HNF4A: variants seen among roughly 807,000 people sequenced by gnomAD.
HNF4A encodes hepatocyte nuclear factor 4-alpha.
In HNF4A, 15 loss-of-function variants were observed where a neutral mutation model predicts 52.4. That is an observed-to-expected ratio of 0.29 (90% CI 0.19 to 0.44). The LOEUF is 0.44. HNF4A is among the 20% of genes least tolerant of loss of function. The probability of loss-of-function intolerance (pLI) is 1.00; values close to 1 mark genes in which losing one functional copy is unlikely to be tolerated. For missense variants in HNF4A, 479 were observed against 647.2 expected, an observed-to-expected ratio of 0.74 and a Z score of 2.82; for synonymous variants, 280 against 264.4, an observed-to-expected ratio of 1.06 and a Z score of -0.57.
chr20:44,369,808 A>G (rs1568691908), intron 1 of HNF4A, among the ~76,000 whole-genome samples: 1 of 151,014 alleles, frequency 6.6e-6, no homozygotes, highest in Non-Finnish European at 1.5e-5. Flanking sequence ...CAATTTTTGT[A>G]TTTTTAATAG....
At chr20:44,404,502 ATGTT>A (rs113282843) in intron 1 of HNF4A, among the ~76,000 whole-genome samples, 53 of 150,906 alleles carry the variant, frequency 3.5e-4, no homozygotes, top group African/African-American at 1.2e-3. Flanking sequence ...GTATGTGTGT[ATGTT>A]TGTGCATGTG....
chr20:44,426,841 AAG>A (rs1366803984), intron 8 of HNF4A, among the ~76,000 whole-genome samples: 2 of 152,192 alleles, frequency 1.3e-5, no homozygotes, highest in East Asian at 3.9e-4. Flanking sequence ...TGATAGTGAA[AAG>A]AGAGTGTCAG....
At position 44,401,357 on chromosome 20, in the gene HNF4A, C is replaced by T. The variant is rs765514916; in HGVS notation, c.-16C>T. On this transcript the variant is annotated 5_prime_UTR_variant, in exon 1 of 10. Coordinates refer to ENST00000316099, the MANE Select transcript of HNF4A (RefSeq NM_000457.6). ...CCCAGGGTAGGGCAGGTGGCCGCGG[C>T]GTGGAGGCAGGGAGAATGCGACTCT... The T allele has an allele frequency of 2.9e-5, 46 of 1,613,768 alleles. No homozygotes were observed. The highest frequency in any genetic ancestry group is 8.3e-5 in the Admixed American group (5 of 60,000).
intron 2 of HNF4A, 67 bp from the exon 3 acceptor site, chr20:44,407,314 G>A (rs1485765044): frequency 8.5e-7 from 1 of 1,176,912 alleles, no homozygotes; most frequent in Admixed American, 1.9e-5. Flanking sequence ...GATAGCCAGG[G>A]CCCTAGTTCT....
chr20:44,393,247 TAAAC>T (rs1021522334), intron 1 of HNF4A, among the ~76,000 whole-genome samples: 5 of 152,168 alleles, frequency 3.3e-5, no homozygotes, highest in Non-Finnish European at 7.3e-5. Context: ...GGGATGAACA[TAAAC>T]AGGAGGACAG....
chr20:44,424,868 G>T (rs1439757305), intron 8 of HNF4A, among the ~76,000 whole-genome samples: 1 of 152,234 alleles, frequency 6.6e-6, no homozygotes, highest in Non-Finnish European at 1.5e-5. Context: ...CGTGTAGGAG[G>T]TGAAGATGGA....
intron 1 of HNF4A, 30 bp from the exon 2 acceptor site, chr20:44,406,028 G>A: frequency 6.2e-7 from 1 of 1,606,430 alleles, no homozygotes; most frequent in Non-Finnish European, 8.5e-7. Flanking sequence ...TGTTCTTCCT[G>A]AAGCCTCACT....
intron 1 of HNF4A, among the ~76,000 whole-genome samples, chr20:44,405,206 G>C (rs1403752300): frequency 6.6e-6 from 1 of 152,064 alleles, no homozygotes; most frequent in Non-Finnish European, 1.5e-5. Flanking sequence ...GTCTATCTTT[G>C]CTGAAAGATT....
intron 1 of HNF4A, among the ~76,000 whole-genome samples, chr20:44,357,908 T>A (rs1315417715): frequency 7.3e-5 from 11 of 151,328 alleles, no homozygotes; most frequent in Admixed American, 2.6e-4. Flanking sequence ...CAGCTGTTGC[T>A]GGCCCTCTGC....
chr20:44,397,523 T>C (rs1028111790), upstream of HNF4A, among the ~76,000 whole-genome samples: 3 of 152,214 alleles, frequency 2.0e-5, no homozygotes, highest in African/African-American at 7.2e-5. Flanking sequence ...TAAATGATTG[T>C]TAACTATAAT....
At chr20:44,421,856 TTATATATAGTGATATATATTTTATA>T (rs1219515749) in intron 7 of HNF4A, among the ~76,000 whole-genome samples, 4 of 147,170 alleles carry the variant, frequency 2.7e-5, no homozygotes, top group East Asian at 3.9e-4. Context: ...ATAATATATA[TTATATATAGTGATATATATTTTATA>T]TATATATAGT....
intron 1 of HNF4A, among the ~76,000 whole-genome samples, chr20:44,364,521 A>C (rs1259624729): frequency 6.6e-6 from 1 of 151,516 alleles, no homozygotes; most frequent in Non-Finnish European, 1.5e-5. Flanking sequence ...CCCAGGCTGG[A>C]GTGCAGCGGC....
rs952494962 is a variant in HNF4A at position 44,414,609 on chromosome 20, G to A, written c.595G>A (p.Val199Ile). 5 of 1,613,844 alleles carry A rather than the reference G, an allele frequency of 3.1e-6. No homozygotes were observed. The highest frequency in any genetic ancestry group is 2.2e-5 in the South Asian group (2 of 91,044). ...CATGAAGGAGCAGCTGCTGGTTCTC[G>A]TTGAGTGGGCCAAGTACATCCCAGC... The change falls in exon 5 of 10, where the codon GTT becomes ATT. Residue 199 changes from valine to isoleucine, a missense_variant. Physicochemically the swap from Val to Ile is conservative, Grantham distance 29 (BLOSUM62 3). Coordinates refer to ENST00000316099, the MANE Select transcript of HNF4A (RefSeq NM_000457.6).
intron 1 of HNF4A, among the ~76,000 whole-genome samples, chr20:44,366,117 T>C (rs2062967645): frequency 6.6e-6 from 1 of 152,172 alleles, no homozygotes; most frequent in South Asian, 2.1e-4. Context: ...TGTATCGCTT[T>C]ATGAAATTTC....
rs373320902 is a variant in HNF4A at position 44,407,456 on chromosome 20, G to T, written c.366G>T (p.Arg122=). The change falls in exon 3 of 10, where the codon CGG becomes CGT. Residue 122 remains arginine, a synonymous_variant. Transcript: ENST00000316099. ...ACTGCAGGCTCAAGAAATGCTTCCG[G>T]GCTGGCATGAAGAAGGAAGGTGAGC... is the stretch of plus-strand genomic sequence containing the variant. 6.2e-6 allele frequency: 10 copies of T among 1,604,400 alleles called. 1 individual carries two copies. The Middle Eastern group carries it at 1.2e-3, about 185-fold the overall frequency.
In HNF4A at chr20:44,428,457, T is replaced by G; in HGVS notation, c.1252T>G (p.Cys418Gly). Residue 418 changes from cysteine to glycine, a missense_variant, in exon 9 of 10, where the codon TGT (cysteine) becomes GGT (glycine). Physicochemically the swap from Cys to Gly is radical, Grantham distance 159. This residue lies in a region of HNF4A where 389 missense variants were observed against 525.1 expected (regional missense o/e 0.74). Coordinates refer to ENST00000316099, the MANE Select transcript of HNF4A (RefSeq NM_000457.6). ...CACTCACCTCAGCAACGGACAGATG[T>G]GTGAGTGGCCCCGACCCAGGGGACA... The G allele has an allele frequency of 1.2e-6, 2 of 1,614,074 alleles. No homozygotes were observed. Among genetic ancestry groups the G allele is most frequent in the South Asian group, 2.2e-5 (2 of 91,076 alleles).
intron 1 of HNF4A, among the ~76,000 whole-genome samples, chr20:44,368,160 A>ATATATATATATTTTTTTTTT: frequency 1.1e-4 from 3 of 27,778 alleles, no homozygotes; most frequent in Admixed American, 8.5e-4. Context: ...ATATATATAT[A>ATATATATATATTTTTTTTTT]TTTTTTTTTT....
chr20:44,386,159 A>AT (rs35559000), intron 1 of HNF4A, among the ~76,000 whole-genome samples: 1,567 of 73,026 alleles, frequency 0.021, 31 homozygotes, highest in South Asian at 0.037. Flanking sequence ...CCACCATCTG[A>AT]TTTTTTTTTT....
intron 1 of HNF4A, among the ~76,000 whole-genome samples, chr20:44,367,659 A>C (rs2062983809): frequency 1.3e-5 from 2 of 149,254 alleles, no homozygotes; most frequent in East Asian, 4.0e-4. Context: ...AAAAAAATTA[A>C]CTCCTTGGCC....
Sources: gnomAD v4.1 joint callset for allele counts (sites outside exome capture counted in the v4.1 genomes callset) on GRCh38, gnomAD v4.1.1 for gene constraint, gnomAD v4.1.1 regional missense constraint, MANE v1.5 for transcripts, NCBI Gene and HGNC (gene_info 2026-07-23, HGNC 2026-07-21) for gene names.